The following TSPAN15 variants were observed in gnomAD, a reference collection of about 807,000 sequenced individuals.
TSPAN15 encodes the protein tetraspanin 15.
TSPAN15 carries 20 observed loss-of-function variants against 34.5 expected under a neutral mutation model. That is an observed-to-expected ratio of 0.58 (90% CI 0.41 to 0.84). The LOEUF is 0.84. TSPAN15 is among the 40% of genes least tolerant of loss of function. The pLI is 0.00. For missense variants in TSPAN15, 313 were observed against 386.1 expected (o/e 0.81, Z 1.59); for synonymous variants, 155 against 153.9 (o/e 1.01, Z -0.05).
chr10:69,543,996 G>C, the TSPAN15 span, among the ~76,000 whole-genome samples: 3 of 151,766 alleles, frequency 2.0e-5, no homozygotes, highest in South Asian at 2.1e-4. Flanking sequence ...GGAACTGGGG[G>C]GCTTTTAATT....
the TSPAN15 span, among the ~76,000 whole-genome samples, chr10:69,517,018 C>T: frequency 2.0e-5 from 3 of 152,204 alleles, no homozygotes; most frequent in African/African-American, 7.2e-5. Flanking sequence ...TGTTGGACTC[C>T]TTATAGGCTG....
At position 69,506,268 on chromosome 10, in the gene TSPAN15, T is replaced by C. The variant is rs767808129; in HGVS notation, c.735+28T>C. On this transcript the variant is annotated intron_variant, in intron 7 of 7. Coordinates refer to ENST00000373290, the MANE Select transcript of TSPAN15 (RefSeq NM_012339.5). This position sits in a 1 kb window ranked among gnomAD's most constrained non-coding sequence, Gnocchi z 4.7. Reference sequence around the variant, plus strand: ...GGGCAGGCCGTGGGTTCAGAGAAAGTGTGACTTGGTGATTGCAGAAGGGCA... The same window carrying C: ...GGGCAGGCCGTGGGTTCAGAGAAAGCGTGACTTGGTGATTGCAGAAGGGCA... 18 of 1,600,382 alleles carry C rather than the reference T, an allele frequency of 1.1e-5. No homozygotes were observed. The African/African-American group carries it at 1.9e-4, about 17-fold the overall frequency.
chr10:69,491,170 C>T (rs2133128292), intron 3 of TSPAN15, among the ~76,000 whole-genome samples: 1 of 152,300 alleles, frequency 6.6e-6, no homozygotes, highest in East Asian at 1.9e-4. Flanking sequence ...CCCCTTCCCA[C>T]CTTCTCCTGG....
In TSPAN15 at chr10:69,506,237, C is replaced by G; in HGVS notation, c.732C>G (p.Pro244=). ...GCATCCTCCTGGGCATCCTGCTTCC[C>G]CAGGTGGGCAGGCCGTGGGTTCAGA... ...MAGILLGILL[P]QFLGVLLTLL... The change falls in exon 7 of 8, where the codon CCC becomes CCG. Residue 244 remains proline, a synonymous_variant. Coordinates refer to ENST00000373290, the MANE Select transcript of TSPAN15 (RefSeq NM_012339.5). The surrounding 1 kb of genome is among the most constrained non-coding windows in gnomAD (Gnocchi z 4.7). 1 of 1,614,088 alleles carries G rather than the reference C, an allele frequency of 6.2e-7. No homozygotes were observed. The highest frequency in any genetic ancestry group is 8.5e-7 in the Non-Finnish European group (1 of 1,179,954).
At chr10:69,512,344 T>C (rs961719290), downstream of TSPAN15, among the ~76,000 whole-genome samples, 4 of 152,242 alleles carry the variant, frequency 2.6e-5, no homozygotes, top group African/African-American at 9.6e-5. Context: ...TTGATTTATT[T>C]GTTAATAATT....
At chr10:69,452,119 C>T (rs986082703) in intron 1 of TSPAN15, among the ~76,000 whole-genome samples, 2 of 152,220 alleles carry the variant, frequency 1.3e-5, no homozygotes, top group Non-Finnish European at 2.9e-5. Flanking sequence ...CTGGTCCCTG[C>T]TAGTTACTTG....
chr10:69,518,700 G>A, the TSPAN15 span, among the ~76,000 whole-genome samples: 1 of 152,190 alleles, frequency 6.6e-6, no homozygotes, highest in Non-Finnish European at 1.5e-5. Context: ...GGGATTACAG[G>A]CGTGAGCCAC....
intron 1 of TSPAN15, among the ~76,000 whole-genome samples, chr10:69,471,813 A>G (rs60741407): frequency 0.064 from 9,725 of 152,100 alleles, 1,057 homozygotes; most frequent in African/African-American, 0.22. Context: ...GGTTGGTCTC[A>G]AACTTCTGGA....
chr10:69,511,927 CTG>C (rs906573648), downstream of TSPAN15, among the ~76,000 whole-genome samples: 9 of 141,326 alleles, frequency 6.4e-5, no homozygotes, highest in African/African-American at 2.1e-4. Flanking sequence ...AGATCACACA[CTG>C]GGGCCTTTCA....
intron 4 of TSPAN15, among the ~76,000 whole-genome samples, 196 bp downstream of exon 4, chr10:69,495,885 C>T (rs760341524): frequency 6.6e-6 from 1 of 152,158 alleles, no homozygotes; most frequent in African/African-American, 2.4e-5. Context: ...CCTATTCAGC[C>T]AGTCCTCTGC....
intron 1 of TSPAN15, among the ~76,000 whole-genome samples, chr10:69,455,666 T>G (rs547858171): frequency 1.4e-5 from 2 of 138,994 alleles, no homozygotes; most frequent in South Asian, 2.7e-4. Flanking sequence ...TTTCTTTCAC[T>G]GAGAACAGTG....
At chr10:69,508,871 C>T (rs1478852067), downstream of TSPAN15, among the ~76,000 whole-genome samples, 2 of 152,234 alleles carry the variant, frequency 1.3e-5, no homozygotes, top group Non-Finnish European at 2.9e-5. Context: ...GCCTCCTGTG[C>T]ACACATGGTA....
At position 69,451,921 on chromosome 10, in the gene TSPAN15, G is replaced by A. The variant is rs180848235; in HGVS notation, c.96+231G>A. Among the ~76,000 whole-genome samples the A allele has an allele frequency of 2.3e-3, 352 of 152,354 alleles. 1 individual carries two copies. The highest frequency in any genetic ancestry group is 7.8e-3 in the African/African-American group (324 of 41,550). On this transcript the variant is annotated intron_variant, in intron 1 of 7. Coordinates refer to ENST00000373290, the MANE Select transcript of TSPAN15 (RefSeq NM_012339.5). ...GTTGTCGACCGACCGAGTGCCACCT[G>A]GCTCACCTGTGTGCACCGGCTGGGC... is the stretch of plus-strand genomic sequence containing the variant.
chr10:69,482,299 G>A (rs1164157562), intron 1 of TSPAN15, among the ~76,000 whole-genome samples: 1 of 152,246 alleles, frequency 6.6e-6, no homozygotes, highest in African/African-American at 2.4e-5. Context: ...CCAGGCAGTT[G>A]GAACTGCCTG....
At chr10:69,494,990 AG>A in intron 3 of TSPAN15, 1 of 513,360 alleles carries the variant, frequency 1.9e-6, no homozygotes, top group Non-Finnish European at 2.5e-6. Context: ...GCCCTAGCCG[AG>A]GGGGACCGAG....
In TSPAN15 at chr10:69,506,237, C is replaced by T. The variant is rs773771364; in HGVS notation, c.732C>T (p.Pro244=). The change falls in exon 7 of 8, where the codon CCC becomes CCT. Residue 244 remains proline, a synonymous_variant. Coordinates refer to ENST00000373290, the MANE Select transcript of TSPAN15 (RefSeq NM_012339.5). The surrounding 1 kb of genome is among the most constrained non-coding windows in gnomAD (Gnocchi z 4.7). Reference sequence around the variant, plus strand: ...GCATCCTCCTGGGCATCCTGCTTCCCCAGGTGGGCAGGCCGTGGGTTCAGA... The same window carrying T: ...GCATCCTCCTGGGCATCCTGCTTCCTCAGGTGGGCAGGCCGTGGGTTCAGA... The part of the protein sequence containing the change: ...MAGILLGILL[P]QFLGVLLTLL... The T allele has an allele frequency of 6.2e-7, 1 of 1,614,088 alleles. No homozygotes were observed. Among genetic ancestry groups the T allele is most frequent in the African/African-American group, 1.3e-5 (1 of 75,054 alleles).
chr10:69,484,836 C>A (rs914705299), intron 2 of TSPAN15, among the ~76,000 whole-genome samples: 1 of 152,172 alleles, frequency 6.6e-6, no homozygotes, highest in East Asian at 1.9e-4. Flanking sequence ...GCCCAGCTCT[C>A]CTTATGGTGG....
intron 1 of TSPAN15, among the ~76,000 whole-genome samples, chr10:69,467,782 T>G (rs979986169): frequency 1.3e-5 from 2 of 152,154 alleles, no homozygotes; most frequent in South Asian, 4.1e-4. Context: ...ATACTAAGTT[T>G]ATGCAAAAAC....
chr10:69,531,841 A>G, the TSPAN15 span, among the ~76,000 whole-genome samples: 2 of 152,192 alleles, frequency 1.3e-5, no homozygotes, highest in Non-Finnish European at 2.9e-5. Context: ...AAACTGGCAT[A>G]CAAGGGACTT....
Sources: gnomAD v4.1 joint callset for allele counts (sites outside exome capture counted in the v4.1 genomes callset) on GRCh38, gnomAD v4.1.1 for gene constraint, Gnocchi (gnomAD v3.1) non-coding constraint, MANE v1.5 for transcripts, NCBI Gene and HGNC (gene_info 2026-07-23, HGNC 2026-07-21) for gene names.